Variants in NUP210 observed in about 807,000 individuals in gnomAD.
The protein encoded by NUP210 is nucleoporin 210.
A neutral mutation model predicts 196.0 loss-of-function variants in NUP210; 151 were observed. The observed-to-expected ratio is 0.77, with a 90% CI of 0.67 to 0.88. NUP210 has a LOEUF of 0.88. Ranked by LOEUF, NUP210 falls within the 40% of genes least tolerant of loss-of-function variation. NUP210 has a pLI of 0.00. For missense variants in NUP210, 2,314 were observed against 2,493.7 expected (o/e 0.93, Z 1.53); for synonymous variants, 1,070 against 1,052.7 (o/e 1.02, Z -0.32).
chr3:13,403,034 G>A (rs905838141), intron 1 of NUP210, among the ~76,000 whole-genome samples: 7 of 152,110 alleles, frequency 4.6e-5, no homozygotes, highest in African/African-American at 1.4e-4. Flanking sequence ...TGCCCTAAAA[G>A]TCCCCTGCAC....
intron 18 of NUP210, among the ~76,000 whole-genome samples, chr3:13,352,532 C>A (rs1020056811): frequency 3.9e-5 from 6 of 152,248 alleles, no homozygotes; most frequent in Non-Finnish European, 8.8e-5. Context: ...TGGCCGCTGG[C>A]CAGGCCAGGC....
chr3:13,355,745 C>G (rs1698148602), intron 16 of NUP210, among the ~76,000 whole-genome samples: 1 of 152,210 alleles, frequency 6.6e-6, no homozygotes, highest in Non-Finnish European at 1.5e-5. Flanking sequence ...CATCATTATT[C>G]ATAATATAGA....
Position 13,367,751 on chromosome 3 carries a change from T to C in NUP210, c.1787-1660A>G, listed in dbSNP as rs377105292. On this transcript the variant is annotated intron_variant, in intron 13 of 39. Transcript: ENST00000254508. ...TCATTGGTCACACCGTGAAGATCCT[T>C]TGTCCACATTCTCCATATGATTCTG... 1.2e-4 allele frequency among the ~76,000 whole-genome samples: 18 copies of C among 152,354 alleles called. 1 individual carries two copies. The South Asian group carries it at 2.5e-3, about 21-fold the overall frequency.
chr3:13,340,392 C>G lies in NUP210; in HGVS notation c.3229-94G>C. ...ACTACATGTTTCATGAGAGGAAAAC[C>G]TGGGACATGGACATCACTTCTCTCT... is the stretch of plus-strand genomic sequence containing the variant. On this transcript the variant is annotated intron_variant, in intron 23 of 39. Coordinates refer to ENST00000254508, the MANE Select transcript of NUP210 (RefSeq NM_024923.4). This position sits in a 1 kb window ranked among gnomAD's most constrained non-coding sequence, Gnocchi z 4.0. 9.0e-7 allele frequency: 1 copy of G among 1,116,478 alleles called. No individual in the cohort carries two copies. The highest frequency in any genetic ancestry group is 1.3e-5 in the South Asian group (1 of 76,430). 69.2% of individuals were successfully genotyped at this position (1,116,478 alleles called of 1,614,324 possible). A position where few individuals can be genotyped will look rare whatever the true frequency, so the allele number is the denominator to read the frequency against.
intron 20 of NUP210, among the ~76,000 whole-genome samples, chr3:13,343,870 G>C (rs1236141989): frequency 1.3e-5 from 2 of 152,250 alleles, no homozygotes; most frequent in South Asian, 4.1e-4. Context: ...ACAGAGCCTG[G>C]GAGTGACCCG....
At chr3:13,344,937 T>C in intron 20 of NUP210, 1 of 985,370 alleles carries the variant, frequency 1.0e-6, no homozygotes. Context: ...CCACGTCAGC[T>C]CCTCCAGCAC....
rs759992829 is a variant in NUP210, at chr3:13,376,845, C to T, written c.1153-414G>A. The stretch of plus-strand genomic sequence containing the variant: ...AAAGCAACGACATCTTCAAGGACAC[C>T]GAGAGGAACCTCGCCTTTTTCTTCT... On this transcript the variant is annotated intron_variant, in intron 9 of 39. Coordinates refer to ENST00000254508, the MANE Select transcript of NUP210 (RefSeq NM_024923.4). Among the ~76,000 whole-genome samples the T allele has an allele frequency of 7.2e-5, 11 of 152,152 alleles. No homozygotes were observed. In the East Asian group the frequency reaches 1.7e-3, roughly 24 times the overall value.
At chr3:13,381,308 G>C (rs965392753) in intron 6 of NUP210, among the ~76,000 whole-genome samples, 1 of 152,098 alleles carries the variant, frequency 6.6e-6, no homozygotes, top group African/African-American at 2.4e-5. Flanking sequence ...TACATTGAAG[G>C]GGACTTACAT....
chr3:13,375,682 T>C (rs745716339), intron 10 of NUP210, 41 bp from the exon 11 acceptor site: 10 of 1,595,536 alleles, frequency 6.3e-6, no homozygotes, highest in Admixed American at 1.7e-5. Context: ...ATGACAACCA[T>C]GTCATCATCA....
At chr3:13,365,450 C>G (rs1427500767) in intron 14 of NUP210, among the ~76,000 whole-genome samples, 1 of 152,232 alleles carries the variant, frequency 6.6e-6, no homozygotes, top group Admixed American at 6.5e-5. Flanking sequence ...CCACCACTGT[C>G]CTCAGATGGG....
intron 6 of NUP210, among the ~76,000 whole-genome samples, chr3:13,381,268 A>T (rs1230164928): frequency 6.6e-6 from 1 of 152,234 alleles, no homozygotes; most frequent in Non-Finnish European, 1.5e-5. Context: ...TTTCTAAATG[A>T]GTAAGGCCCT....
chr3:13,327,460 G>C (rs1248371891), intron 31 of NUP210, 23 bp from the exon 32 acceptor site: 46 of 1,554,200 alleles, frequency 3.0e-5, no homozygotes, highest in Non-Finnish European at 3.9e-5. Context: ...GAGAAAGGAG[G>C]GCTCTCAGTC....
At chr3:13,396,304 A>C (rs1042007330) in intron 3 of NUP210, among the ~76,000 whole-genome samples, 2 of 152,194 alleles carry the variant, frequency 1.3e-5, no homozygotes, top group African/African-American at 4.8e-5. Flanking sequence ...CTGATCCAGA[A>C]ATTTTTTTTC....
At chr3:13,373,651 C>A in intron 12 of NUP210, 67 bp downstream of exon 12, 1 of 1,559,100 alleles carries the variant, frequency 6.4e-7, no homozygotes, top group Non-Finnish European at 8.8e-7. Context: ...TCGAGGCTTG[C>A]TCAGAGGGGG....
chr3:13,336,394 C>T (rs767059728), intron 27 of NUP210, among the ~76,000 whole-genome samples: 1 of 152,202 alleles, frequency 6.6e-6, no homozygotes, highest in Non-Finnish European at 1.5e-5. Flanking sequence ...TGGCACCTTC[C>T]AGCTCTGACA....
intron 1 of NUP210, among the ~76,000 whole-genome samples, chr3:13,410,368 A>C (rs1700128377): frequency 6.8e-6 from 1 of 147,576 alleles, no homozygotes; most frequent in Admixed American, 6.7e-5. Flanking sequence ...AGCAGAAATG[A>C]GGTTTCTCCA....
chr3:13,346,811 G>C (rs1255098036), intron 20 of NUP210, among the ~76,000 whole-genome samples: 1 of 152,204 alleles, frequency 6.6e-6, no homozygotes, highest in Non-Finnish European at 1.5e-5. Flanking sequence ...GATGGGCCAG[G>C]AAGTGCCAAG....
Position 13,371,814 on chromosome 3 carries a change from G to T in NUP210, c.1786+20C>A, listed in dbSNP as rs757945978. The T allele has an allele frequency of 1.3e-6, 2 of 1,587,426 alleles. No homozygotes were observed. Among genetic ancestry groups the T allele is most frequent in the Non-Finnish European group, 1.7e-6 (2 of 1,166,044 alleles). ...GCCCCAATCCCAGTATCTGGCACCT[G>T]CTCAGCAGCGCTGGTTTACCTGGGA... On this transcript the variant is annotated intron_variant, in intron 13 of 39. Transcript: ENST00000254508.
intron 28 of NUP210, among the ~76,000 whole-genome samples, chr3:13,332,656 AC>A (rs1168929013): frequency 6.6e-6 from 1 of 152,164 alleles, no homozygotes; most frequent in African/African-American, 2.4e-5. Flanking sequence ...GGAGTGTGCA[AC>A]TGTAGTCCCA....
Sources: gnomAD v4.1 joint callset for allele counts (sites outside exome capture counted in the v4.1 genomes callset) on GRCh38, gnomAD v4.1.1 for gene constraint, Gnocchi (gnomAD v3.1) non-coding constraint, MANE v1.5 for transcripts, NCBI Gene and HGNC (gene_info 2026-07-23, HGNC 2026-07-21) for gene names.